Variants in MAGI2 observed in about 807,000 individuals in gnomAD.
MAGI2 encodes the protein membrane-associated guanylate kinase, WW and PDZ domain-containing protein 2.
In MAGI2, 35 loss-of-function variants were observed where a neutral mutation model predicts 133.3. The ratio of observed to expected loss-of-function variants is 0.26; its 90% CI spans 0.20 to 0.35. MAGI2 has a LOEUF of 0.35. MAGI2 is among the 10% of genes least tolerant of loss of function. MAGI2 has a pLI of 1.00. For missense variants in MAGI2, 1,636 were observed against 1,863.4 expected (o/e 0.88, Z 2.25); for synonymous variants, 729 against 710.6 (o/e 1.03, Z -0.41).
At chr7:79,366,715 T>A (rs1290239998) in intron 1 of MAGI2, among the ~76,000 whole-genome samples, 1 of 152,184 alleles carries the variant, frequency 6.6e-6, no homozygotes, top group Non-Finnish European at 1.5e-5. Flanking sequence ...TAACTGCATA[T>A]TAATTTATAA....
chr7:78,894,508 C>A (rs1414325625), intron 2 of MAGI2, among the ~76,000 whole-genome samples: 1 of 152,030 alleles, frequency 6.6e-6, no homozygotes, highest in Admixed American at 6.6e-5. Flanking sequence ...TGTACCTGTG[C>A]CATAATGCTT....
chr7:79,281,805 A>G (rs1382213280), intron 1 of MAGI2, among the ~76,000 whole-genome samples: 7 of 152,178 alleles, frequency 4.6e-5, no homozygotes, highest in Non-Finnish European at 8.8e-5. Context: ...AGTTTTACAT[A>G]CTATATAACT....
chr7:78,979,989 C>G (rs1000653091), intron 2 of MAGI2, among the ~76,000 whole-genome samples: 2 of 151,838 alleles, frequency 1.3e-5, no homozygotes, highest in Non-Finnish European at 2.9e-5. Context: ...CCTTGGGTCA[C>G]TCAGCTCATA....
At chr7:78,629,329 G>A (rs1433024170) in intron 2 of MAGI2, among the ~76,000 whole-genome samples, 1 of 152,088 alleles carries the variant, frequency 6.6e-6, no homozygotes, top group Non-Finnish European at 1.5e-5. Flanking sequence ...CCTCATTGTG[G>A]CTTGAAGTTC....
intron 3 of MAGI2, among the ~76,000 whole-genome samples, chr7:78,533,860 G>A (rs1797668564): frequency 6.6e-6 from 1 of 152,076 alleles, no homozygotes; most frequent in African/African-American, 2.4e-5. Flanking sequence ...GTGAGAAGGA[G>A]TCAACCCAAG....
At chr7:78,243,265 ACACACTCTCT>A (rs747020084) in intron 10 of MAGI2, among the ~76,000 whole-genome samples, 4,530 of 41,904 alleles carry the variant, frequency 0.11, 74 homozygotes, top group East Asian at 0.15. Context: ...ACACACACAC[ACACACTCTCT>A]CTCTCTCTCT....
At chr7:78,927,055 T>C (rs1799753852) in intron 2 of MAGI2, among the ~76,000 whole-genome samples, 1 of 152,010 alleles carries the variant, frequency 6.6e-6, no homozygotes. Context: ...CCATGGACAT[T>C]TCAAAATGGG....
intron 2 of MAGI2, among the ~76,000 whole-genome samples, chr7:78,706,393 G>A (rs1413670910): frequency 6.6e-6 from 1 of 152,076 alleles, no homozygotes; most frequent in African/African-American, 2.4e-5. Context: ...GACCTTCCCA[G>A]CTATGTGCAA....
intron 21 of MAGI2, among the ~76,000 whole-genome samples, chr7:78,064,751 G>A (rs1356561903): frequency 2.6e-5 from 4 of 152,258 alleles, no homozygotes; most frequent in Middle Eastern, 6.8e-3. Flanking sequence ...ACATGCCACT[G>A]CAGAATGTGA....
chr7:78,337,475 T>G (rs1789893580), intron 9 of MAGI2, among the ~76,000 whole-genome samples: 1 of 152,204 alleles, frequency 6.6e-6, no homozygotes, highest in Non-Finnish European at 1.5e-5. Flanking sequence ...TTCAAACTTT[T>G]TGGTACAGAG....
chr7:78,476,608 T>C (rs1791775511), intron 6 of MAGI2, among the ~76,000 whole-genome samples: 1 of 152,030 alleles, frequency 6.6e-6, no homozygotes, highest in African/African-American at 2.4e-5. Context: ...TTTAGGTTCT[T>C]TACATAGTTT....
At chr7:78,210,609 T>C (rs995215696) in intron 10 of MAGI2, among the ~76,000 whole-genome samples, 7 of 152,188 alleles carry the variant, frequency 4.6e-5, no homozygotes, top group African/African-American at 7.2e-5. Context: ...GTTTAGGTGT[T>C]TAAGTTCTAT....
intron 3 of MAGI2, among the ~76,000 whole-genome samples, chr7:78,626,870 G>T (rs936198758): frequency 3.4e-5 from 5 of 148,434 alleles, no homozygotes; most frequent in Admixed American, 6.8e-5. Context: ...GTATAAAATA[G>T]GTATATATAT....
rs181565932 is a variant in MAGI2 at position 78,557,570 on chromosome 7, C to T, written c.539-35925G>A. ...CATATGGAGGCTCCCAGGGCTTCTC[C>T]ACTCTTCTAGCAAGCTCCTGACCCA... On this transcript the variant is annotated intron_variant, in intron 3 of 21. Coordinates refer to ENST00000354212, the MANE Select transcript of MAGI2 (RefSeq NM_012301.4). Among the ~76,000 whole-genome samples, 293 of 152,276 alleles carry T rather than the reference C, an allele frequency of 1.9e-3. 2 individuals are homozygous for T. Among genetic ancestry groups the T allele is most frequent in the South Asian group, 0.018 (89 of 4,820 alleles).
intron 1 of MAGI2, among the ~76,000 whole-genome samples, chr7:79,311,518 C>T (rs1256818108): frequency 1.3e-5 from 2 of 152,050 alleles, no homozygotes; most frequent in African/African-American, 2.4e-5. Flanking sequence ...AGCATTCCTC[C>T]GTAGGCTTCT....
intron 16 of MAGI2, among the ~76,000 whole-genome samples, chr7:78,140,155 C>T (rs1338952578): frequency 6.6e-6 from 1 of 152,188 alleles, no homozygotes; most frequent in Admixed American, 6.5e-5. Context: ...CAATGAACTC[C>T]TGTTATTTCT....
chr7:79,394,719 T>C (rs1844914181), intron 1 of MAGI2, among the ~76,000 whole-genome samples: 1 of 152,238 alleles, frequency 6.6e-6, no homozygotes, highest in Non-Finnish European at 1.5e-5. Flanking sequence ...CCTGTTGAAA[T>C]AGACTGCTTA....
intron 1 of MAGI2, among the ~76,000 whole-genome samples, chr7:79,447,098 C>CAA (rs1848908071): frequency 1.3e-5 from 2 of 152,236 alleles, no homozygotes; most frequent in East Asian, 1.9e-4. Flanking sequence ...AAACTTAACA[C>CAA]AAATTTTAAC....
At chr7:78,508,276 G>A (rs1387569369) in intron 4 of MAGI2, among the ~76,000 whole-genome samples, 2 of 151,842 alleles carry the variant, frequency 1.3e-5, no homozygotes, top group Non-Finnish European at 2.9e-5. Flanking sequence ...GAATCTGGGG[G>A]TGGGGGCACA....
Sources: allele counts gnomAD v4.1 joint callset (sites outside exome capture counted in the v4.1 genomes callset), GRCh38; gene constraint gnomAD v4.1.1; transcripts MANE v1.5; gene names NCBI Gene and HGNC (gene_info 2026-07-23, HGNC 2026-07-21).